ADAM23: variants seen among roughly 807,000 people sequenced by gnomAD.
ADAM23 encodes ADAM metallopeptidase domain 23.
In ADAM23, 33 loss-of-function variants were observed where a neutral mutation model predicts 120.1. The ratio of observed to expected loss-of-function variants is 0.27; its 90% CI spans 0.21 to 0.37. The LOEUF is 0.37. Among genes scored for constraint, ADAM23 ranks in the 10% least tolerant of loss-of-function variants. ADAM23 has a pLI of 1.00. For synonymous variants in ADAM23, 367 were observed against 375.2 expected, an observed-to-expected ratio of 0.98 and a Z score of 0.25; for missense variants, 862 against 1,058.2, an observed-to-expected ratio of 0.81 and a Z score of 2.57.
intron 3 of ADAM23, among the ~76,000 whole-genome samples, chr2:206,530,331 A>G (rs1377810399): frequency 1.3e-5 from 2 of 151,678 alleles, no homozygotes; most frequent in African/African-American, 4.8e-5. Flanking sequence ...TAAAATATCT[A>G]CTCCCTGGCC....
At chr2:206,531,588 A>T (rs1697063777) in intron 4 of ADAM23, among the ~76,000 whole-genome samples, 1 of 151,630 alleles carries the variant, frequency 6.6e-6, no homozygotes, top group Admixed American at 6.6e-5. Flanking sequence ...TTAAAGCAAG[A>T]GAGAGAGAGA....
chr2:206,464,113 TG>T (rs1056733522), intron 2 of ADAM23, among the ~76,000 whole-genome samples: 1 of 152,222 alleles, frequency 6.6e-6, no homozygotes, highest in African/African-American at 2.4e-5. Context: ...TAGTTTAATT[TG>T]GGGGGAAGGC....
At chr2:206,586,432 G>T (rs371831378) in intron 18 of ADAM23, among the ~76,000 whole-genome samples, 1 of 152,186 alleles carries the variant, frequency 6.6e-6, no homozygotes, top group African/African-American at 2.4e-5. Flanking sequence ...GAACTAGCAG[G>T]ATTTATGGAC....
intron 3 of ADAM23, among the ~76,000 whole-genome samples, chr2:206,510,150 TA>T (rs1696592367): frequency 1.3e-5 from 2 of 152,246 alleles, no homozygotes; most frequent in Non-Finnish European, 2.9e-5. Context: ...GAAATCACAT[TA>T]GGAGGAATTA....
At chr2:206,455,073 C>T (rs557449574) in intron 2 of ADAM23, among the ~76,000 whole-genome samples, 12 of 152,382 alleles carry the variant, frequency 7.9e-5, no homozygotes, top group African/African-American at 2.6e-4. Context: ...CATTTCCCCT[C>T]TGCACTGCCC....
intron 3 of ADAM23, among the ~76,000 whole-genome samples, chr2:206,495,330 A>G (rs1254422816): frequency 6.6e-6 from 1 of 152,158 alleles, no homozygotes; most frequent in African/African-American, 2.4e-5. Flanking sequence ...GCCAGAAGAG[A>G]GTGGGGGCCA....
intron 4 of ADAM23, among the ~76,000 whole-genome samples, chr2:206,541,664 T>A (rs1045871468): frequency 2.6e-5 from 4 of 152,184 alleles, no homozygotes; most frequent in African/African-American, 9.7e-5. Context: ...AAATAAGATA[T>A]TGTATAATTT....
chr2:206,537,576 T>C (rs1372271556), intron 4 of ADAM23, among the ~76,000 whole-genome samples: 1 of 152,130 alleles, frequency 6.6e-6, no homozygotes, highest in African/African-American at 2.4e-5. Context: ...TTTTTCTCAT[T>C]CCCTCTTCTT....
chr2:206,488,048 A>C (rs1696054282), intron 3 of ADAM23, among the ~76,000 whole-genome samples: 1 of 152,244 alleles, frequency 6.6e-6, no homozygotes. Context: ...AAAGAAATAC[A>C]TGCAGGCAGT....
chr2:206,508,155 G>C (rs991826767), intron 3 of ADAM23, among the ~76,000 whole-genome samples: 8 of 151,852 alleles, frequency 5.3e-5, no homozygotes, highest in Non-Finnish European at 1.2e-4. Context: ...TCAGCCTCCC[G>C]AGTAGCTGGG....
At chr2:206,568,797 G>A (rs755548902) in intron 15 of ADAM23, among the ~76,000 whole-genome samples, 8 of 152,184 alleles carry the variant, frequency 5.3e-5, no homozygotes, top group South Asian at 2.1e-4. Flanking sequence ...AGAGAGCAGC[G>A]AAATAATGTT....
chr2:206,508,062 C>T (rs113213187), intron 3 of ADAM23, among the ~76,000 whole-genome samples: 21 of 152,222 alleles, frequency 1.4e-4, no homozygotes, highest in East Asian at 1.9e-4. Flanking sequence ...CGGAGTCTCG[C>T]TCTGTTTCCC....
At chr2:206,476,357 G>T (rs964901690) in intron 2 of ADAM23, among the ~76,000 whole-genome samples, 1 of 152,142 alleles carries the variant, frequency 6.6e-6, no homozygotes, top group Admixed American at 6.6e-5. Context: ...ATAGTTTAGA[G>T]CAGGGGTCCC....
At chr2:206,576,339 T>C (rs1423934855) in intron 18 of ADAM23, among the ~76,000 whole-genome samples, 4 of 152,078 alleles carry the variant, frequency 2.6e-5, no homozygotes, top group African/African-American at 9.6e-5. Flanking sequence ...ACTCTTTAAG[T>C]GCCATAGAAT....
At chr2:206,551,927 G>A (rs995792927) in intron 9 of ADAM23, among the ~76,000 whole-genome samples, 4 of 152,084 alleles carry the variant, frequency 2.6e-5, no homozygotes. Context: ...GGTCCTTTTT[G>A]GTGGAAAGGA....
intron 3 of ADAM23, among the ~76,000 whole-genome samples, chr2:206,496,091 A>G (rs1176247700): frequency 2.6e-5 from 4 of 152,154 alleles, no homozygotes; most frequent in African/African-American, 9.7e-5. Context: ...AGACAGATCA[A>G]TGAGATAGAA....
intron 3 of ADAM23, among the ~76,000 whole-genome samples, chr2:206,514,676 G>C (rs377684089): frequency 6.1e-4 from 93 of 152,292 alleles, no homozygotes; most frequent in African/African-American, 2.0e-3. Context: ...CTGTCACACA[G>C]CATCACATGC....
chr2:206,476,008 A>G (rs762026611), intron 2 of ADAM23, among the ~76,000 whole-genome samples: 3 of 152,342 alleles, frequency 2.0e-5, no homozygotes, highest in South Asian at 2.1e-4. Flanking sequence ...TTTAACAGAC[A>G]TAGAATAAAC....
chr2:206,478,277 C>T (rs1007836293), intron 2 of ADAM23, among the ~76,000 whole-genome samples: 26 of 151,980 alleles, frequency 1.7e-4, no homozygotes, highest in Admixed American at 1.5e-3. Context: ...TTAGATGAAA[C>T]TAATTCCATT....
Sources: gnomAD v4.1 joint callset for allele counts (sites outside exome capture counted in the v4.1 genomes callset) on GRCh38, gnomAD v4.1.1 for gene constraint, MANE v1.5 for transcripts, NCBI Gene and HGNC (gene_info 2026-07-23, HGNC 2026-07-21) for gene names.